WDFY4: variants seen among roughly 807,000 people sequenced by gnomAD.
The protein encoded by WDFY4 is WDFY family member 4.
WDFY4 carries 169 observed loss-of-function variants against 351.9 expected under a neutral mutation model. The ratio of observed to expected loss-of-function variants is 0.48; its 90% CI spans 0.42 to 0.55. The LOEUF is 0.55. Ranked by LOEUF, WDFY4 falls within the 20% of genes least tolerant of loss-of-function variation. WDFY4 has a pLI of 0.00. For missense variants in WDFY4, 3,803 were observed against 3,935.6 expected (o/e 0.97, Z 0.90); for synonymous variants, 1,622 against 1,574.6 (o/e 1.03, Z -0.71).
At chr10:48,796,275 C>T in intron 23 of WDFY4, 23 bp from the exon 24 acceptor site, 1 of 1,543,370 alleles carries the variant, frequency 6.5e-7, no homozygotes, top group Non-Finnish European at 8.8e-7. Context: ...CATGAGGAAA[C>T]TGCTTTGTGT....
In WDFY4 at chr10:48,957,132, G is replaced by A. The variant is rs1020451728; in HGVS notation, c.7981G>A (p.Gly2661Arg). The A allele has an allele frequency of 2.9e-5, 45 of 1,549,254 alleles. No homozygotes were observed. The highest frequency in any genetic ancestry group is 1.6e-4 in the Admixed American group (8 of 50,964). The change falls in exon 52 of 62, where the codon GGA (glycine) becomes AGA (arginine). Residue 2661 changes from glycine to arginine, a missense_variant. This residue lies in a region of WDFY4 where 3,054 missense variants were observed against 3,148.6 expected (regional missense o/e 0.97). Transcript: ENST00000325239. ...FTQAFCALQG[G>R]SFDVADRMFH... ...ATGTTGGCTCCATTTCCCCCAGGGC[G>A]GAAGCTTCGACGTGGCAGACAGAAT...
At chr10:48,723,380 G>C (rs1029323437) in intron 4 of WDFY4, 53 bp from the exon 5 acceptor site, 6 of 1,539,032 alleles carry the variant, frequency 3.9e-6, no homozygotes, top group East Asian at 2.4e-5. Flanking sequence ...GGTCTGGGCT[G>C]ACCTGCTTCT....
chr10:48,806,940 A>T (rs963795445), intron 27 of WDFY4, among the ~76,000 whole-genome samples: 1 of 152,250 alleles, frequency 6.6e-6, no homozygotes, highest in Admixed American at 6.5e-5. Flanking sequence ...AAACAGTTTT[A>T]TCATCACAAA....
intron 24 of WDFY4, among the ~76,000 whole-genome samples, chr10:48,799,998 G>A (rs1340593878): frequency 1.3e-5 from 2 of 151,916 alleles, no homozygotes; most frequent in Admixed American, 1.3e-4. Context: ...TGATTCTCCT[G>A]CCTCAGCCTC....
Position 48,733,912 on chromosome 10 carries a change from T to G in WDFY4, c.1583-19T>G. 6.4e-7 allele frequency: 1 copy of G among 1,550,522 alleles called. No individual in the cohort carries two copies. The highest frequency in any genetic ancestry group is 1.2e-5 in the South Asian group (1 of 84,008). On this transcript the variant is annotated intron_variant, in intron 9 of 61. Transcript: ENST00000325239. Reference sequence around the variant, plus strand: ...ACATGTACTTAATTTATTTTGTTATTTCTTCTTCAATATGGCAGGAAACAA... The same window carrying G: ...ACATGTACTTAATTTATTTTGTTATGTCTTCTTCAATATGGCAGGAAACAA...
At chr10:48,931,096 AACACACACACACACACACACAC>A (rs10598078) in intron 47 of WDFY4, among the ~76,000 whole-genome samples, 3 of 150,254 alleles carry the variant, frequency 2.0e-5, no homozygotes, top group African/African-American at 7.3e-5. Flanking sequence ...CTCACACTCA[AACACACACACACACACACACAC>A]ACACACACAC....
chr10:48,874,949 T>C (rs1204332787), intron 41 of WDFY4, 140 bp from the exon 42 acceptor site: 2 of 411,678 alleles, frequency 4.9e-6, no homozygotes, highest in African/African-American at 4.2e-5. Context: ...TTAGTGTTTC[T>C]CTCCCTTTGC....
chr10:48,702,410 C>A (rs1454694601), intron 1 of WDFY4, among the ~76,000 whole-genome samples: 4 of 152,194 alleles, frequency 2.6e-5, no homozygotes, highest in Non-Finnish European at 5.9e-5. Flanking sequence ...CCGTCCCTGG[C>A]AACCACTGAT....
At chr10:48,889,333 C>T (rs1260410120) in intron 43 of WDFY4, among the ~76,000 whole-genome samples, 1 of 152,178 alleles carries the variant, frequency 6.6e-6, no homozygotes, top group African/African-American at 2.4e-5. Flanking sequence ...CTCTGGCTTT[C>T]ACGGATCCCA....
intron 46 of WDFY4, 151 bp from the exon 47 acceptor site, chr10:48,901,650 A>C: frequency 2.7e-6 from 2 of 741,342 alleles, no homozygotes; most frequent in East Asian, 2.7e-5. Context: ...TCAGAGGTAC[A>C]CCCAGGCCTG....
At chr10:48,881,391 T>C (rs370443935) in intron 43 of WDFY4, among the ~76,000 whole-genome samples, 1 of 152,268 alleles carries the variant, frequency 6.6e-6, no homozygotes, top group East Asian at 1.9e-4. Context: ...TCTGGGGGTC[T>C]CCATGGGTCT....
At chr10:48,753,071 T>C (rs1174729662) in intron 12 of WDFY4, among the ~76,000 whole-genome samples, 3 of 152,360 alleles carry the variant, frequency 2.0e-5, no homozygotes, top group African/African-American at 2.4e-5. Context: ...CTAATGGGCA[T>C]GGAGTGTTAT....
chr10:48,964,563 G>T (rs1841995882), intron 54 of WDFY4, among the ~76,000 whole-genome samples: 1 of 152,202 alleles, frequency 6.6e-6, no homozygotes, highest in Non-Finnish European at 1.5e-5. Context: ...AGTCAACAGA[G>T]GTAGAGCTCT....
intron 47 of WDFY4, among the ~76,000 whole-genome samples, chr10:48,929,215 C>T (rs1327000806): frequency 6.8e-6 from 1 of 147,334 alleles, no homozygotes; most frequent in Non-Finnish European, 1.5e-5. Context: ...GGATGGACAA[C>T]AAGAGGAAGG....
At chr10:48,934,499 G>A (rs1840231889) in intron 47 of WDFY4, among the ~76,000 whole-genome samples, 1 of 152,192 alleles carries the variant, frequency 6.6e-6, no homozygotes. Flanking sequence ...CATTATACCT[G>A]TCATAAAAGT....
chr10:48,899,662 A>G (rs943769867), intron 45 of WDFY4, among the ~76,000 whole-genome samples: 60 of 152,320 alleles, frequency 3.9e-4, no homozygotes, highest in African/African-American at 1.4e-3. Flanking sequence ...TAGAGAGGAA[A>G]CAAGGGTGGG....
At position 48,966,466 on chromosome 10, in the gene WDFY4, G is replaced by C. The variant is rs1842086323; in HGVS notation, c.8437-60G>C. On this transcript the variant is annotated intron_variant, in intron 54 of 61. Coordinates refer to ENST00000325239, the MANE Select transcript of WDFY4 (RefSeq NM_001394531.1). ...ACAGGGTGCAGCTACAGTGTGCACA[G>C]GGACGACCCCTCCTCTGGGCATCTC... 2.6e-6 allele frequency: 4 copies of C among 1,512,136 alleles called. No individual in the cohort carries two copies. The African/African-American group carries it at 5.5e-5, about 21-fold the overall frequency. The allele number at this position is 1,512,136 out of a possible 1,614,324, so 93.7% of individuals were successfully genotyped here.
At chr10:48,785,596 T>C (rs2066380144) in intron 19 of WDFY4, among the ~76,000 whole-genome samples, 1 of 152,252 alleles carries the variant, frequency 6.6e-6, no homozygotes, top group Non-Finnish European at 1.5e-5. Context: ...GAGTCTATCA[T>C]TTCTCAATTG....
At chr10:48,825,776 A>G (rs945576235) in intron 35 of WDFY4, among the ~76,000 whole-genome samples, 1 of 151,768 alleles carries the variant, frequency 6.6e-6, no homozygotes, top group Non-Finnish European at 1.5e-5. Flanking sequence ...ATGTCTGTTC[A>G]TGTCCTTTGC....
Sources: gnomAD v4.1 joint callset for allele counts (sites outside exome capture counted in the v4.1 genomes callset) on GRCh38, gnomAD v4.1.1 for gene constraint, gnomAD v4.1.1 regional missense constraint, MANE v1.5 for transcripts, NCBI Gene and HGNC (gene_info 2026-07-23, HGNC 2026-07-21) for gene names.